Variants in MILR1 observed in about 807,000 individuals in gnomAD.
The protein encoded by MILR1 is mast cell immunoglobulin like receptor 1.
Under a neutral mutation model 18.5 loss-of-function variants are expected in MILR1, and 31 were observed. The observed-to-expected ratio is 1.68, with a 90% CI of 1.26 to 2.26. The LOEUF (loss-of-function observed/expected upper bound fraction) is 2.26. Among genes scored for constraint, MILR1 ranks in the 30% most tolerant of loss-of-function variants. The pLI, the probability that MILR1 is intolerant of heterozygous loss-of-function variation, is 0.00. For synonymous variants in MILR1, 85 were observed against 56.2 expected, an observed-to-expected ratio of 1.51 and a Z score of -2.30; for missense variants, 257 against 157.4, an observed-to-expected ratio of 1.63 and a Z score of -3.38.
chr17:64,496,850 T>A, the MILR1 span: 1 of 1,613,790 alleles, frequency 6.2e-7, no homozygotes, highest in Non-Finnish European at 8.5e-7. Context: ...ATGCCCTCCT[T>A]TGGGGCTACT....
chr17:64,459,646 C>T (rs1338981154), intron 4 of MILR1, among the ~76,000 whole-genome samples: 2 of 152,100 alleles, frequency 1.3e-5, no homozygotes, highest in African/African-American at 2.4e-5. Context: ...GGCTGTGTGA[C>T]CTTAGGAAAG....
the MILR1 span, among the ~76,000 whole-genome samples, chr17:64,495,180 A>AAAAAAG: frequency 2.0e-5 from 3 of 150,840 alleles, no homozygotes; most frequent in African/African-American, 7.3e-5. Context: ...TCTGTCTCAA[A>AAAAAAG]AAAAAAAAAA....
At chr17:64,450,079 C>A (rs895965722) in intron 2 of MILR1, among the ~76,000 whole-genome samples, 6 of 152,004 alleles carry the variant, frequency 3.9e-5, no homozygotes, top group African/African-American at 1.4e-4. Flanking sequence ...GCTGGGACTA[C>A]AGGCGTGTGC....
intron 1 of MILR1, 43 bp downstream of exon 1, chr17:64,449,266 A>G (rs1269015773): frequency 1.1e-5 from 5 of 473,428 alleles, no homozygotes; most frequent in African/African-American, 5.9e-5. Context: ...CTCCAAGCCA[A>G]CGTGTCATGT....
the MILR1 span, among the ~76,000 whole-genome samples, chr17:64,492,366 A>G: frequency 6.6e-6 from 1 of 152,220 alleles, no homozygotes; most frequent in Non-Finnish European, 1.5e-5. Context: ...CAAAAGCTGA[A>G]GCTGTGACAA....
At chr17:64,462,714 C>T (rs1349336459) in intron 5 of MILR1, among the ~76,000 whole-genome samples, 1 of 151,084 alleles carries the variant, frequency 6.6e-6, no homozygotes, top group Non-Finnish European at 1.5e-5. Context: ...AATCTCGGCT[C>T]ACAGCAGCCT....
At chr17:64,487,724 G>A in the MILR1 span, among the ~76,000 whole-genome samples, 1 of 151,974 alleles carries the variant, frequency 6.6e-6, no homozygotes, top group African/African-American at 2.4e-5. Flanking sequence ...GCTTTAGGCT[G>A]GGCACAGTGA....
In MILR1 at chr17:64,457,478, C is replaced by G. The variant is rs2037326904; in HGVS notation, c.446C>G (p.Ser149Ter). 1 of 475,408 alleles carries G rather than the reference C, an allele frequency of 2.1e-6. No homozygotes were observed. Among genetic ancestry groups the G allele is most frequent in the South Asian group, 6.7e-5 (1 of 14,888 alleles). The allele number at this position is 475,408 out of a possible 1,614,324, so 29.4% of individuals were successfully genotyped here. A position where few individuals can be genotyped will look rare whatever the true frequency, so the allele number is the denominator to read the frequency against. Residue 149 changes from serine (S) to a stop codon, truncating the protein, a stop_gained, in exon 4 of 10, where the codon TCA becomes TGA. Coordinates refer to ENST00000619286, the MANE Select transcript of MILR1 (RefSeq NM_001085423.2). LOFTEE classifies it high-confidence loss of function. ...TDRHITLHCLSVNGSLPINYT... is the reference protein window; with the variant it reads ...TDRHITLHCL ...CGACATATAACATTACATTGCCTCT[C>G]AGTCAATGGCTCGCTGCCCATCAAT... is the stretch of plus-strand genomic sequence containing the variant.
chr17:64,465,321 C>A, intron 5 of MILR1, 131 bp from the exon 6 acceptor site: 1 of 659,630 alleles, frequency 1.5e-6, no homozygotes, highest in Non-Finnish European at 2.7e-6. Flanking sequence ...CTTTGTTAGA[C>A]AACAGTTTGG....
chr17:64,476,571 A>AT, the MILR1 span, among the ~76,000 whole-genome samples: 2 of 152,074 alleles, frequency 1.3e-5, no homozygotes. Flanking sequence ...GAAGGGTGGT[A>AT]TTAGTGGATG....
intron 4 of MILR1, among the ~76,000 whole-genome samples, chr17:64,459,845 C>G (rs2037382737): frequency 6.6e-6 from 1 of 152,186 alleles, no homozygotes; most frequent in Non-Finnish European, 1.5e-5. Context: ...AGTAAACACC[C>G]AGGCTTTTCT....
At chr17:64,461,820 A>G (rs928946237) in intron 5 of MILR1, among the ~76,000 whole-genome samples, 4 of 151,870 alleles carry the variant, frequency 2.6e-5, no homozygotes, top group African/African-American at 9.7e-5. Flanking sequence ...TTCTATCTCC[A>G]TTAGTTTGAC....
the MILR1 span, chr17:64,485,622 A>T: frequency 1.0e-6 from 1 of 954,746 alleles, no homozygotes; most frequent in Non-Finnish European, 1.7e-6. Context: ...ACATGCACTA[A>T]ATTTATTATT....
At chr17:64,454,111 A>G (rs1328507125) in intron 3 of MILR1, among the ~76,000 whole-genome samples, 1 of 151,494 alleles carries the variant, frequency 6.6e-6, no homozygotes, top group African/African-American at 2.4e-5. Context: ...TGTATTTTTA[A>G]TAGAGATGGG....
chr17:64,476,997 T>G, the MILR1 span, among the ~76,000 whole-genome samples: 1 of 152,212 alleles, frequency 6.6e-6, no homozygotes, highest in Non-Finnish European at 1.5e-5. Context: ...AGTTAAAAGA[T>G]TTCTTATAAA....
At chr17:64,457,309 T>A in intron 3 of MILR1, 91 bp from the exon 4 acceptor site, 1 of 416,834 alleles carries the variant, frequency 2.4e-6, no homozygotes, top group Admixed American at 4.3e-5. Flanking sequence ...TTCCACAGCC[T>A]GGAGTGGAGT....
At chr17:64,463,800 A>G (rs1412771787) in intron 5 of MILR1, among the ~76,000 whole-genome samples, 5 of 147,966 alleles carry the variant, frequency 3.4e-5, no homozygotes, top group African/African-American at 7.5e-5. Flanking sequence ...ACAGGTATGC[A>G]CCACAACTCC....
At chr17:64,486,311 C>T in the MILR1 span, among the ~76,000 whole-genome samples, 2 of 151,642 alleles carry the variant, frequency 1.3e-5, no homozygotes, top group East Asian at 3.9e-4. Flanking sequence ...GCCCTACAGA[C>T]TATTTCTTTA....
At position 64,449,180 on chromosome 17, in the gene MILR1, T is replaced by C; in HGVS notation, c.12T>C (p.His4=). The C allele has an allele frequency of 2.1e-6, 1 of 471,748 alleles. No homozygotes were observed. The highest frequency in any genetic ancestry group is 3.9e-6 in the Non-Finnish European group (1 of 257,354). 29.2% of individuals were successfully genotyped at this position (471,748 alleles called of 1,614,324 possible). A position where few individuals can be genotyped will look rare whatever the true frequency, so the allele number is the denominator to read the frequency against. Reference sequence around the variant, plus strand: ...CTTCAACTGGGAGAATGTGGAGCCATTTGAACAGGCTCCTCTTCTGGAGCA... The same window carrying C: ...CTTCAACTGGGAGAATGTGGAGCCACTTGAACAGGCTCCTCTTCTGGAGCA... MWS[H]LNRLLFWSIF... Residue 4 remains histidine (H), a synonymous_variant, in exon 1 of 10, where the codon CAT becomes CAC. Coordinates refer to ENST00000619286, the MANE Select transcript of MILR1 (RefSeq NM_001085423.2).
Sources: gnomAD v4.1 joint callset for allele counts (sites outside exome capture counted in the v4.1 genomes callset) on GRCh38, gnomAD v4.1.1 for gene constraint, MANE v1.5 for transcripts, NCBI Gene and HGNC (gene_info 2026-07-23, HGNC 2026-07-21) for gene names.